TRIO: variants seen among roughly 807,000 people sequenced by gnomAD.
TRIO encodes triple functional domain protein.
In TRIO, 58 loss-of-function variants were observed where a neutral mutation model predicts 351.9. The ratio of observed to expected loss-of-function variants is 0.16; its 90% CI spans 0.13 to 0.21. The LOEUF (loss-of-function observed/expected upper bound fraction) is 0.21, where lower values mean the gene tolerates loss of function less well. Among genes scored for constraint, TRIO ranks in the 10% least tolerant of loss-of-function variants. TRIO has a pLI of 1.00. For missense variants in TRIO, 3,201 were observed against 4,027.8 expected, an observed-to-expected ratio of 0.79 and a Z score of 5.56; for synonymous variants, 1,758 against 1,595.7, an observed-to-expected ratio of 1.10 and a Z score of -2.42.
chr5:14,454,956 T>C (rs1579702838), intron 34 of TRIO, among the ~76,000 whole-genome samples: 1 of 152,160 alleles, frequency 6.6e-6, no homozygotes, highest in Admixed American at 6.5e-5. Context: ...CGGTGAGTGT[T>C]ACAGCGCTTA....
At chr5:14,343,653 A>G (rs1336309449) in intron 11 of TRIO, among the ~76,000 whole-genome samples, 4 of 152,136 alleles carry the variant, frequency 2.6e-5, no homozygotes, top group Admixed American at 1.3e-4. Flanking sequence ...TTATTTAACT[A>G]TTTGTCCACT....
chr5:14,210,565 T>C (rs538748328), intron 1 of TRIO, among the ~76,000 whole-genome samples: 1 of 151,752 alleles, frequency 6.6e-6, no homozygotes, highest in African/African-American at 2.4e-5. Flanking sequence ...ATTTGTTTCT[T>C]CTAAATCTCC....
chr5:14,290,137 A>G (rs1353894941), intron 4 of TRIO, among the ~76,000 whole-genome samples: 1 of 152,208 alleles, frequency 6.6e-6, no homozygotes, highest in Non-Finnish European at 1.5e-5. Context: ...CTTAGGCAAG[A>G]TGAATGATAG....
chr5:14,274,884 A>G (rs1735362346), intron 2 of TRIO, among the ~76,000 whole-genome samples: 1 of 152,208 alleles, frequency 6.6e-6, no homozygotes. Flanking sequence ...ATGTGACAAG[A>G]TGTTTCAGGA....
intron 1 of TRIO, among the ~76,000 whole-genome samples, chr5:14,168,682 T>C (rs938570396): frequency 1.3e-5 from 2 of 152,262 alleles, no homozygotes; most frequent in African/African-American, 4.8e-5. Context: ...TCTGGCTTTA[T>C]TTGACTTCTT....
chr5:14,144,014 C>A (rs1217822778), intron 1 of TRIO, 132 bp downstream of exon 1: 15 of 633,484 alleles, frequency 2.4e-5, no homozygotes, highest in Non-Finnish European at 2.8e-5. Context: ...CGCAGGCTCT[C>A]GCCTGGGACC....
chr5:14,482,481 C>CATT, intron 45 of TRIO, 101 bp from the exon 46 acceptor site: 1 of 920,732 alleles, frequency 1.1e-6, no homozygotes, highest in Non-Finnish European at 1.5e-6. Context: ...AAGAAAAATA[C>CATT]ATTATTCCAT....
chr5:14,488,070 AG>A lies in TRIO; in HGVS notation c.7448del (p.Gly2483AlafsTer44). On this transcript the variant is annotated frameshift_variant, in exon 48 of 57. Coordinates refer to ENST00000344204, the MANE Select transcript of TRIO (RefSeq NM_007118.4). LOFTEE classifies it high-confidence loss of function. Reference protein sequence around the residue: ...EPFPPSSPLQKGGSFWSSIPA... With the variant: ...EPFPPSSPLQXGGSFWSSIPA... ...TTCCCCCCCAGCAGCCCCCTGCAGA[AG>A]GGGGGCTCCTTCTGGAGCTCCATCC... 1 of 1,609,892 alleles carries A rather than the reference AG, an allele frequency of 6.2e-7. No individual in the cohort carries two copies.
intron 15 of TRIO, 27 bp from the exon 16 acceptor site, chr5:14,366,833 T>G (rs756520722): frequency 1.2e-6 from 2 of 1,613,556 alleles, no homozygotes; most frequent in African/African-American, 2.7e-5. Flanking sequence ...AGTCCACTGC[T>G]TGGAGTTATC....
intron 34 of TRIO, among the ~76,000 whole-genome samples, chr5:14,447,636 C>A (rs879674622): frequency 6.6e-6 from 1 of 152,202 alleles, no homozygotes; most frequent in Non-Finnish European, 1.5e-5. Flanking sequence ...CCCCTGCCCC[C>A]AACGTCTTTG....
chr5:14,463,387 T>A (rs1753976158), intron 36 of TRIO, among the ~76,000 whole-genome samples: 1 of 152,224 alleles, frequency 6.6e-6, no homozygotes, highest in Non-Finnish European at 1.5e-5. Context: ...TTTTCCAACA[T>A]GCCAGACATT....
chr5:14,470,128 C>G (rs1754578085), intron 37 of TRIO, among the ~76,000 whole-genome samples: 1 of 152,300 alleles, frequency 6.6e-6, no homozygotes, highest in African/African-American at 2.4e-5. Flanking sequence ...TGTTCCTTAA[C>G]TAACTTAATG....
At chr5:14,416,972 C>G (rs1304251434) in intron 33 of TRIO, among the ~76,000 whole-genome samples, 2 of 152,180 alleles carry the variant, frequency 1.3e-5, no homozygotes, top group African/African-American at 2.4e-5. Context: ...TCTAGCCAGA[C>G]CCAGAGGCCT....
intron 53 of TRIO, among the ~76,000 whole-genome samples, chr5:14,500,614 A>G (rs1757219162): frequency 6.6e-6 from 1 of 152,130 alleles, no homozygotes; most frequent in African/African-American, 2.4e-5. Flanking sequence ...AAAGGGGGCC[A>G]GGTGCAGTGG....
rs781108690 is a variant in TRIO at position 14,363,887 on chromosome 5, G to A, written c.2547G>A (p.Gly849=). 1.3e-5 allele frequency: 21 copies of A among 1,614,040 alleles called. No individual in the cohort carries two copies. In the East Asian group the frequency reaches 2.9e-4, roughly 22 times the overall value. ...NNLTFDVIHQ[G]QDLLQYVNEV... ...TGACTTTTGACGTCATCCACCAAGG[G>A]CAAGATCTTCTGCAGTATGTCAATG... Residue 849 remains glycine (G), a synonymous_variant, in exon 14 of 57, where the codon GGG becomes GGA. Coordinates refer to ENST00000344204, the MANE Select transcript of TRIO (RefSeq NM_007118.4).
chr5:14,446,235 G>T (rs992831258), intron 34 of TRIO, among the ~76,000 whole-genome samples: 1 of 152,126 alleles, frequency 6.6e-6, no homozygotes, highest in Non-Finnish European at 1.5e-5. Flanking sequence ...TTAACAACAG[G>T]AAGGTGCGGG....
At chr5:14,460,746 AT>A (rs1305014015) in intron 34 of TRIO, among the ~76,000 whole-genome samples, 2 of 152,206 alleles carry the variant, frequency 1.3e-5, no homozygotes, top group South Asian at 2.1e-4. Context: ...GCTGATAACG[AT>A]GCTGGTCTTC....
At chr5:14,353,840 G>A (rs1353223847) in intron 11 of TRIO, among the ~76,000 whole-genome samples, 1 of 152,224 alleles carries the variant, frequency 6.6e-6, no homozygotes, top group Non-Finnish European at 1.5e-5. Flanking sequence ...TATGTATCGT[G>A]CATCCGGCCA....
intron 31 of TRIO, among the ~76,000 whole-genome samples, chr5:14,405,178 G>C (rs1191836410): frequency 3.3e-5 from 5 of 152,156 alleles, no homozygotes; most frequent in African/African-American, 4.8e-5. Context: ...GGTTCTCAGA[G>C]GACATTTCTT....
Sources: allele counts gnomAD v4.1 joint callset (sites outside exome capture counted in the v4.1 genomes callset), GRCh38; gene constraint gnomAD v4.1.1; transcripts MANE v1.5; gene names NCBI Gene and HGNC (gene_info 2026-07-23, HGNC 2026-07-21).